Variants in ANO2 observed in about 807,000 individuals in gnomAD.
The protein encoded by ANO2 is anoctamin 2.
Under a neutral mutation model 124.2 loss-of-function variants are expected in ANO2, and 101 were observed. The ratio of observed to expected loss-of-function variants is 0.81; its 90% CI spans 0.69 to 0.96. The LOEUF (loss-of-function observed/expected upper bound fraction) is 0.96, where lower values mean the gene tolerates loss of function less well. Among genes scored for constraint, ANO2 ranks in the 40% least tolerant of loss-of-function variants. The pLI, the probability that ANO2 is intolerant of heterozygous loss-of-function variation, is 0.00. For missense variants in ANO2, 1,293 were observed against 1,274.5 expected, an observed-to-expected ratio of 1.01 and a Z score of -0.22; for synonymous variants, 486 against 482.5, an observed-to-expected ratio of 1.01 and a Z score of -0.09.
chr12:5,944,439 T>C (rs1943013898), intron 1 of ANO2, among the ~76,000 whole-genome samples: 1 of 152,174 alleles, frequency 6.6e-6, no homozygotes, highest in African/African-American at 2.4e-5. Flanking sequence ...TGCACTCAGC[T>C]CATTGTTCAT....
chr12:5,757,098 A>T (rs1382337240), intron 10 of ANO2, among the ~76,000 whole-genome samples: 1 of 152,224 alleles, frequency 6.6e-6, no homozygotes, highest in Non-Finnish European at 1.5e-5. Context: ...CTTGAGCTCC[A>T]CCAGGGTTCT....
intron 14 of ANO2, among the ~76,000 whole-genome samples, chr12:5,679,597 C>T (rs1210802558): frequency 6.6e-6 from 1 of 152,218 alleles, no homozygotes; most frequent in African/African-American, 2.4e-5. Flanking sequence ...GATACCATCA[C>T]ATGCCCGTCA....
intron 20 of ANO2, 38 bp from the exon 21 acceptor site, chr12:5,578,556 A>G (rs766827917): frequency 1.3e-6 from 2 of 1,595,526 alleles, no homozygotes; most frequent in African/African-American, 2.7e-5. Context: ...CAGCAGGAAC[A>G]AGCAGGACTC....
chr12:5,780,793 G>C (rs2137133425), intron 10 of ANO2, among the ~76,000 whole-genome samples: 1 of 152,260 alleles, frequency 6.6e-6, no homozygotes, highest in South Asian at 2.1e-4. Flanking sequence ...CAGGCCGTGG[G>C]GCTGTGTATA....
intron 1 of ANO2, among the ~76,000 whole-genome samples, chr12:5,941,979 T>C (rs1942913774): frequency 6.6e-6 from 1 of 152,132 alleles, no homozygotes; most frequent in Non-Finnish European, 1.5e-5. Context: ...TGAGAGAATG[T>C]CACCAGCAGA....
At chr12:5,820,705 C>T (rs1223450684) in intron 7 of ANO2, among the ~76,000 whole-genome samples, 1 of 152,206 alleles carries the variant, frequency 6.6e-6, no homozygotes, top group Admixed American at 6.5e-5. Context: ...CTGAAAGACA[C>T]AGGGGTGGTG....
At chr12:5,725,097 TCACA>T (rs35973206) in intron 14 of ANO2, among the ~76,000 whole-genome samples, 52,821 of 143,414 alleles carry the variant, frequency 0.37, 9,986 homozygotes, top group East Asian at 0.53. Flanking sequence ...TGTCTCCCTC[TCACA>T]CACACACACA....
intron 20 of ANO2, among the ~76,000 whole-genome samples, chr12:5,596,591 T>C (rs1201998141): frequency 6.6e-6 from 1 of 152,206 alleles, no homozygotes; most frequent in East Asian, 1.9e-4. Context: ...TCTACAATCT[T>C]GGTGTGAGTT....
Position 5,563,487 on chromosome 12 carries a change from CT to C in ANO2, c.2808del (p.Glu937ArgfsTer5), listed in dbSNP as rs1941565507. On this transcript the variant is annotated frameshift_variant, in exon 25 of 25. Coordinates refer to ENST00000682330, the MANE Select transcript of ANO2 (RefSeq NM_001364791.2). LOFTEE classifies it high-confidence loss of function. Reference protein sequence around the residue: ...IPTDISDQIKKEKSLLVDFFL... With the variant: ...IPTDISDQIKXEKSLLVDFFL... Reference sequence around the variant, plus strand: ...AAGAAATCCACTAATAAGCTCTTCTCTTTCTTGATCTGGTCGCTGATGTCCG... The same window carrying C: ...AAGAAATCCACTAATAAGCTCTTCTCTTCTTGATCTGGTCGCTGATGTCCG... 1.9e-6 allele frequency: 3 copies of C among 1,614,008 alleles called. No individual in the cohort carries two copies. In the South Asian group the frequency reaches 3.3e-5, roughly 18 times the overall value.
intron 7 of ANO2, among the ~76,000 whole-genome samples, chr12:5,814,649 T>G (rs1276077925): frequency 1.3e-5 from 2 of 152,258 alleles, no homozygotes; most frequent in African/African-American, 2.4e-5. Flanking sequence ...GGCAGGAATT[T>G]GTGTCTGTTG....
intron 1 of ANO2, among the ~76,000 whole-genome samples, chr12:5,941,074 G>A (rs1942875468): frequency 6.6e-6 from 1 of 152,160 alleles, no homozygotes; most frequent in South Asian, 2.1e-4. Context: ...ACAGAAAGTG[G>A]ATTCGCGGTT....
chr12:5,715,914 A>G lies in ANO2; in HGVS notation c.1545+16606T>C, dbSNP rs1185889107. ...TGACATGTTTAACCATTGGGTAAGGACTAATAAATCCACATGATAAAATAT... is the reference window on the plus strand; with the variant it reads ...TGACATGTTTAACCATTGGGTAAGGGCTAATAAATCCACATGATAAAATAT... On this transcript the variant is annotated intron_variant, in intron 14 of 24. Coordinates refer to ENST00000682330, the MANE Select transcript of ANO2 (RefSeq NM_001364791.2). Among the ~76,000 whole-genome samples, 5 of 152,234 alleles carry G rather than the reference A, an allele frequency of 3.3e-5. No individual in the cohort carries two copies. In the South Asian group the frequency reaches 1.0e-3, roughly 31 times the overall value.
In ANO2 at chr12:5,563,288, G is replaced by A. The variant is rs1941543202; in HGVS notation, c.*11C>T. 1 of 1,592,238 alleles carries A rather than the reference G, an allele frequency of 6.3e-7. No individual in the cohort carries two copies. ...TGCTGCCGTGCCCTCCTCTGCTGCA[G>A]GCTGAACTGCTCACACATTGGTGTG... On this transcript the variant is annotated 3_prime_UTR_variant, in exon 25 of 25. Transcript: ENST00000682330.
intron 12 of ANO2, among the ~76,000 whole-genome samples, chr12:5,742,064 T>G (rs939788563): frequency 2.6e-5 from 4 of 152,104 alleles, no homozygotes; most frequent in African/African-American, 9.7e-5. Context: ...AAGTCCGACC[T>G]ACAGGTGAGC....
chr12:5,702,262 T>C (rs1949431913), intron 14 of ANO2, among the ~76,000 whole-genome samples: 1 of 151,962 alleles, frequency 6.6e-6, no homozygotes, highest in Non-Finnish European at 1.5e-5. Flanking sequence ...AAAAAACCAA[T>C]AACACTACAC....
At position 5,922,590 on chromosome 12, in the gene ANO2, C is replaced by T. The variant is rs764916077; in HGVS notation, c.207+30G>A. 9.0e-6 allele frequency: 12 copies of T among 1,330,612 alleles called. No individual in the cohort carries two copies. The African/African-American group carries it at 1.1e-4, about 12-fold the overall frequency. 82.4% of individuals were successfully genotyped at this position (1,330,612 alleles called of 1,614,324 possible). On this transcript the variant is annotated intron_variant, in intron 2 of 24. Coordinates refer to ENST00000682330, the MANE Select transcript of ANO2 (RefSeq NM_001364791.2). ...GTGGCCTGCAACAGGGCTGGCCTATCCCCCCACCCCACCCCCGCCCAGTAC... is the reference window on the plus strand; with the variant it reads ...GTGGCCTGCAACAGGGCTGGCCTATTCCCCCACCCCACCCCCGCCCAGTAC...
rs183902161 is a variant in ANO2 at position 5,640,683 on chromosome 12, C to T, written c.1621-5336G>A. On this transcript the variant is annotated intron_variant, in intron 15 of 24. Transcript: ENST00000682330. ...ATCAAAACCACAATGAGATACCATC[C>T]CACACCAGTTAGAATGGCAATCATT... Among the ~76,000 whole-genome samples the T allele has an allele frequency of 1.4e-3, 220 of 152,236 alleles. 1 individual carries two copies. Among genetic ancestry groups the T allele is most frequent in the East Asian group, 0.01 (53 of 5,182 alleles).
intron 17 of ANO2, among the ~76,000 whole-genome samples, chr12:5,614,378 G>T (rs373887350): frequency 1.3e-5 from 2 of 152,174 alleles, no homozygotes. Flanking sequence ...CAACCATGTT[G>T]GTTGAGGCTC....
rs1462735248 is a variant in ANO2 at position 5,599,475 on chromosome 12, G to C, written c.2233+9C>G. The C allele has an allele frequency of 1.3e-6, 2 of 1,598,460 alleles. No individual in the cohort carries two copies. Among genetic ancestry groups the C allele is most frequent in the African/African-American group, 2.7e-5 (2 of 73,836 alleles). On this transcript the variant is annotated intron_variant, in intron 20 of 24. Transcript: ENST00000682330. Reference sequence around the variant, plus strand: ...GCCCCCAGTGGAAGGCAGGACCATGGGTTCTCACTCATTTCCATGTACTCC... The same window carrying C: ...GCCCCCAGTGGAAGGCAGGACCATGCGTTCTCACTCATTTCCATGTACTCC...
Sources: gnomAD v4.1 joint callset for allele counts (sites outside exome capture counted in the v4.1 genomes callset) on GRCh38, gnomAD v4.1.1 for gene constraint, MANE v1.5 for transcripts, NCBI Gene and HGNC (gene_info 2026-07-23, HGNC 2026-07-21) for gene names.